Variants in UBE2E1 observed in about 807,000 individuals in gnomAD.
UBE2E1 encodes the protein ubiquitin-conjugating enzyme E2 E1.
Under a neutral mutation model 21.4 loss-of-function variants are expected in UBE2E1, and 6 were observed. That is an observed-to-expected ratio of 0.28 (90% CI 0.15 to 0.55). The LOEUF is 0.55. Among genes scored for constraint, UBE2E1 ranks in the 20% least tolerant of loss-of-function variants. UBE2E1 has a pLI of 0.93. For missense variants in UBE2E1, 142 were observed against 236.5 expected, an observed-to-expected ratio of 0.60 and a Z score of 2.62; for synonymous variants, 87 against 82.7, an observed-to-expected ratio of 1.05 and a Z score of -0.28.
Position 23,891,452 on chromosome 3 carries a change from G to T in UBE2E1, c.*846G>T, listed in dbSNP as rs1278281687. The T allele has an allele frequency of 1.3e-5, 2 of 152,110 alleles. No homozygotes were observed. The highest frequency in any genetic ancestry group is 4.8e-5 in the African/African-American group (2 of 41,402). 9.4% of individuals were successfully genotyped at this position (152,110 alleles called of 1,614,324 possible). On this transcript the variant is annotated 3_prime_UTR_variant, in exon 6 of 6. Coordinates refer to ENST00000306627, the MANE Select transcript of UBE2E1 (RefSeq NM_003341.5). ...GGTATTAGTTAGTTACCTATATTAG[G>T]ATCTGTACTTTACACAGCTGTAGAT...
chr3:23,852,268 A>T (rs775077159), intron 3 of UBE2E1, among the ~76,000 whole-genome samples: 4 of 152,164 alleles, frequency 2.6e-5, no homozygotes, highest in Non-Finnish European at 4.4e-5. Context: ...ATGTCTTTTC[A>T]GTTATTTATA....
intron 3 of UBE2E1, among the ~76,000 whole-genome samples, chr3:23,883,235 G>T (rs1701096872): frequency 6.6e-6 from 1 of 152,136 alleles, no homozygotes; most frequent in African/African-American, 2.4e-5. Context: ...TGTATTTCTT[G>T]TTGTGGAACC....
chr3:23,850,939 G>C (rs1350254150), intron 3 of UBE2E1, among the ~76,000 whole-genome samples: 1 of 149,892 alleles, frequency 6.7e-6, no homozygotes, highest in Non-Finnish European at 1.5e-5. Context: ...ACCTGCCTCA[G>C]CCTCCCAAAG....
chr3:23,871,497 G>A (rs1700788196), intron 3 of UBE2E1, among the ~76,000 whole-genome samples: 1 of 151,658 alleles, frequency 6.6e-6, no homozygotes, highest in Admixed American at 6.5e-5. Flanking sequence ...GGACGGGGCG[G>A]CTGGCCTGGC....
chr3:23,872,032 T>G (rs1575031524), intron 3 of UBE2E1, among the ~76,000 whole-genome samples: 1 of 150,272 alleles, frequency 6.7e-6, no homozygotes. Flanking sequence ...GGGTGGGAGG[T>G]GGAGGTTGTA....
In UBE2E1 at chr3:23,876,823, C is replaced by T. The variant is rs1447385541; in HGVS notation, c.204-10744C>T. Among the ~76,000 whole-genome samples the T allele has an allele frequency of 1.3e-5, 2 of 152,028 alleles. No individual in the cohort carries two copies. Among genetic ancestry groups the T allele is most frequent in the East Asian group, 3.9e-4 (2 of 5,180 alleles). ...GCTTTCAGAGGCCAAGCAGAAGTAT[C>T]GCTTGAGCCCAGGAGTTCAAGACCA... On this transcript the variant is annotated intron_variant, in intron 3 of 5. Coordinates refer to ENST00000306627, the MANE Select transcript of UBE2E1 (RefSeq NM_003341.5). This position sits in a 1 kb window ranked among gnomAD's most constrained non-coding sequence, Gnocchi z 4.3.
chr3:23,834,250 G>A (rs932785051), intron 3 of UBE2E1, among the ~76,000 whole-genome samples: 1 of 152,138 alleles, frequency 6.6e-6, no homozygotes, highest in Non-Finnish European at 1.5e-5. Flanking sequence ...GCCTCTTGAT[G>A]GCACTATAAT....
rs960846285 is a variant in UBE2E1 at position 23,836,269 on chromosome 3, G to T, written c.203+24759G>T. 3.3e-5 allele frequency among the ~76,000 whole-genome samples: 5 copies of T among 152,146 alleles called. No homozygotes were observed. The highest frequency in any genetic ancestry group is 5.9e-5 in the Non-Finnish European group (4 of 68,026). On this transcript the variant is annotated intron_variant, in intron 3 of 5. Coordinates refer to ENST00000306627, the MANE Select transcript of UBE2E1 (RefSeq NM_003341.5). This position sits in a 1 kb window ranked among gnomAD's most constrained non-coding sequence, Gnocchi z 4.1. ...CTAGTAAAATTAGCCATCCATTCAT[G>T]AATTTAGGAAATAACTGATTTAGAA...
intron 3 of UBE2E1, among the ~76,000 whole-genome samples, chr3:23,858,256 A>C (rs1036625630): frequency 6.6e-6 from 1 of 152,202 alleles, no homozygotes; most frequent in Non-Finnish European, 1.5e-5. Flanking sequence ...AAAAAAAGTC[A>C]TTGTTTACTG....
At position 23,870,553 on chromosome 3, in the gene UBE2E1, G is replaced by A. The variant is rs1700761467; in HGVS notation, c.204-17014G>A. On this transcript the variant is annotated intron_variant, in intron 3 of 5. Transcript: ENST00000306627. The surrounding 1 kb of genome is among the most constrained non-coding windows in gnomAD (Gnocchi z 4.2). ...CACCAGAATCCTAAGGGATGTGTTG[G>A]TGAGGCACTGACAGCTTCTGCTATA... 6.6e-6 allele frequency among the ~76,000 whole-genome samples: 1 copy of A among 152,226 alleles called. No individual in the cohort carries two copies. The highest frequency in any genetic ancestry group is 2.4e-5 in the African/African-American group (1 of 41,448).
Position 23,889,135 on chromosome 3 carries a change from T to C in UBE2E1, c.360T>C (p.Tyr120=), listed in dbSNP as rs1474650332. 1.9e-6 allele frequency: 3 copies of C among 1,601,836 alleles called. No individual in the cohort carries two copies. The highest frequency in any genetic ancestry group is 2.6e-6 in the Non-Finnish European group (3 of 1,176,194). The change falls in exon 5 of 6, where the codon TAT becomes TAC. Residue 120 remains tyrosine, a synonymous_variant. Transcript: ENST00000306627. ...PPKVTFRTRI[Y]HCNINSQGVI... is the part of the protein sequence containing the mutation. ...AGGTTACATTTCGGACAAGAATCTATCATTGTAATATTAACAGTCAAGGTG... is the reference window on the plus strand; with the variant it reads ...AGGTTACATTTCGGACAAGAATCTACCATTGTAATATTAACAGTCAAGGTG...
chr3:23,824,939 G>A (rs578054575), intron 3 of UBE2E1, among the ~76,000 whole-genome samples: 2 of 152,286 alleles, frequency 1.3e-5, no homozygotes, highest in South Asian at 4.1e-4. Flanking sequence ...ATAAGATTTT[G>A]TGTACCCAGA....
rs1390643627 is a variant in UBE2E1, at chr3:23,806,070, G to C, written c.-52G>C. ...CAGCAGCCGCCGCGGCGGCACGGAGGAGCCAGACACAAAGAGAGGTACGGG... is the reference window on the plus strand; with the variant it reads ...CAGCAGCCGCCGCGGCGGCACGGAGCAGCCAGACACAAAGAGAGGTACGGG... On this transcript the variant is annotated 5_prime_UTR_variant, in exon 1 of 6. Coordinates refer to ENST00000306627, the MANE Select transcript of UBE2E1 (RefSeq NM_003341.5). The surrounding 1 kb of genome is among the most constrained non-coding windows in gnomAD (Gnocchi z 6.5). The C allele has an allele frequency of 2.0e-5, 3 of 151,874 alleles. No individual in the cohort carries two copies. The highest frequency in any genetic ancestry group is 4.8e-5 in the African/African-American group (2 of 41,300). The allele number at this position is 151,874 out of a possible 1,614,324, so 9.4% of individuals were successfully genotyped here.
chr3:23,883,101 T>G (rs1701093675), intron 3 of UBE2E1, among the ~76,000 whole-genome samples: 1 of 152,212 alleles, frequency 6.6e-6, no homozygotes, highest in Admixed American at 6.5e-5. Context: ...CCATCTTTTC[T>G]TTAGTATCAA....
intron 2 of UBE2E1, chr3:23,807,692 T>A: frequency 3.3e-6 from 1 of 302,810 alleles, no homozygotes; most frequent in Non-Finnish European, 6.0e-6. Context: ...GACCCCCAAA[T>A]CTGATTTCAG....
intron 3 of UBE2E1, among the ~76,000 whole-genome samples, chr3:23,848,928 G>T (rs1457133471): frequency 6.6e-6 from 1 of 152,106 alleles, no homozygotes; most frequent in Non-Finnish European, 1.5e-5. Context: ...TGTTCTCAAG[G>T]TTCATCCATG....
chr3:23,867,711 T>A (rs1046709887), intron 3 of UBE2E1, among the ~76,000 whole-genome samples: 2 of 152,162 alleles, frequency 1.3e-5, no homozygotes, highest in African/African-American at 4.8e-5. Context: ...TCTTAGAGAT[T>A]CAGTATGTCA....
intron 2 of UBE2E1, chr3:23,811,058 G>C (rs1442402709): frequency 9.5e-6 from 2 of 209,992 alleles, no homozygotes; most frequent in African/African-American, 2.3e-5. Flanking sequence ...AGGGGCAAGG[G>C]AGGCTGGAGG....
chr3:23,891,485 C>A lies in UBE2E1; in HGVS notation c.*879C>A, dbSNP rs1275220769. Among the ~76,000 whole-genome samples the A allele has an allele frequency of 6.6e-6, 1 of 152,126 alleles. No homozygotes were observed. The highest frequency in any genetic ancestry group is 1.5e-5 in the Non-Finnish European group (1 of 68,016). ...CTTTACACAGCTGTAGATGAGGTAT[C>A]CTAGAAAAGGTTAAATAATCTACCC... On this transcript the variant is annotated 3_prime_UTR_variant, in exon 6 of 6. Coordinates refer to ENST00000306627, the MANE Select transcript of UBE2E1 (RefSeq NM_003341.5).
Sources: allele counts gnomAD v4.1 joint callset (sites outside exome capture counted in the v4.1 genomes callset), GRCh38; gene constraint gnomAD v4.1.1; non-coding constraint Gnocchi (gnomAD v3.1); transcripts MANE v1.5; gene names NCBI Gene and HGNC (gene_info 2026-07-23, HGNC 2026-07-21).